Variants in ANKRD27 observed in about 807,000 individuals in gnomAD.
The protein encoded by ANKRD27 is ankyrin repeat domain 27.
Under a neutral mutation model 129.7 loss-of-function variants are expected in ANKRD27, and 112 were observed. The observed-to-expected ratio is 0.86, with a 90% CI of 0.74 to 1.01. The LOEUF is 1.01. Ranked by LOEUF, ANKRD27 falls within the 50% of genes least tolerant of loss-of-function variation. The pLI is 0.00. For missense variants in ANKRD27, 1,258 were observed against 1,300.5 expected, an observed-to-expected ratio of 0.97 and a Z score of 0.50; for synonymous variants, 516 against 511.2, an observed-to-expected ratio of 1.01 and a Z score of -0.13.
chr19:32,650,312 G>A (rs1298109435), intron 2 of ANKRD27, among the ~76,000 whole-genome samples: 1 of 152,192 alleles, frequency 6.6e-6, no homozygotes, highest in African/African-American at 2.4e-5. Context: ...AGCACTTTGA[G>A]AGGCCAAGGC....
chr19:32,606,506 T>C (rs1971738764), intron 23 of ANKRD27, among the ~76,000 whole-genome samples: 1 of 152,154 alleles, frequency 6.6e-6, no homozygotes, highest in Non-Finnish European at 1.5e-5. Context: ...AGGGACCAGG[T>C]GAAGAGGGGA....
intron 1 of ANKRD27, among the ~76,000 whole-genome samples, chr19:32,659,678 A>G (rs554154377): frequency 6.6e-6 from 1 of 152,272 alleles, no homozygotes; most frequent in South Asian, 2.1e-4. Flanking sequence ...AGTACTGAGT[A>G]ATAATGCAAA....
chr19:32,618,252 T>C (rs1039247982), intron 20 of ANKRD27, among the ~76,000 whole-genome samples: 2 of 151,828 alleles, frequency 1.3e-5, no homozygotes, highest in Admixed American at 6.6e-5. Context: ...GGTGAGGCCA[T>C]GGTCGCCTTG....
At chr19:32,612,866 T>C (rs1251698959) in intron 22 of ANKRD27, among the ~76,000 whole-genome samples, 1 of 152,074 alleles carries the variant, frequency 6.6e-6, no homozygotes, top group African/African-American at 2.4e-5. Context: ...CAGGAGAAAG[T>C]TGGAAATCTA....
intron 20 of ANKRD27, among the ~76,000 whole-genome samples, chr19:32,618,613 A>G (rs975159238): frequency 6.6e-6 from 1 of 152,154 alleles, no homozygotes; most frequent in African/African-American, 2.4e-5. Flanking sequence ...CATGGAGCTA[A>G]GCTCACTTGG....
chr19:32,639,515 T>C (rs745944216), intron 11 of ANKRD27, 27 bp from the exon 12 acceptor site: 20 of 1,606,626 alleles, frequency 1.2e-5, no homozygotes, highest in Admixed American at 1.7e-5. Flanking sequence ...AAAAGTTATG[T>C]TGTTGTCTAT....
At chr19:32,626,859 G>T (rs1280312594) in intron 15 of ANKRD27, 32 bp from the exon 16 acceptor site, 1 of 1,526,174 alleles carries the variant, frequency 6.6e-7, no homozygotes, top group Admixed American at 1.8e-5. Context: ...CGATGGAGAA[G>T]GAAGGCGCAG....
At chr19:32,674,884 G>T (rs1040389828) in intron 1 of ANKRD27, among the ~76,000 whole-genome samples, 187 bp downstream of exon 1, 1 of 151,922 alleles carries the variant, frequency 6.6e-6, no homozygotes, top group Admixed American at 6.6e-5. Context: ...GCTGCGCACC[G>T]GGCACCCACC....
rs999595118 is a variant in ANKRD27 at position 32,628,159 on chromosome 19, C to T, written c.1344G>A (p.Leu448=). 1 of 1,613,832 alleles carries T rather than the reference C, an allele frequency of 6.2e-7. No homozygotes were observed. The highest frequency in any genetic ancestry group is 1.3e-5 in the African/African-American group (1 of 74,950). Residue 448 remains leucine, a synonymous_variant, in exon 15 of 29, where the codon TTG becomes TTA. Coordinates refer to ENST00000306065, the MANE Select transcript of ANKRD27 (RefSeq NM_032139.3). ...DDCEKLVSGR[L]NDPSVVTPFS... is the part of the protein sequence containing the mutation. Reference sequence around the variant, plus strand: ...ATGGAGTGACAACTGAGGGATCATTCAACCTCCTAAAATACAGAAAGAGAT... The same window carrying T: ...ATGGAGTGACAACTGAGGGATCATTTAACCTCCTAAAATACAGAAAGAGAT...
intron 2 of ANKRD27, among the ~76,000 whole-genome samples, chr19:32,652,599 G>A (rs1408246419): frequency 1.3e-5 from 2 of 151,328 alleles, no homozygotes; most frequent in East Asian, 2.0e-4. Flanking sequence ...GGGGTTGGGG[G>A]AAAGAAAGTC....
At chr19:32,630,144 G>C (rs1253227902) in intron 13 of ANKRD27, among the ~76,000 whole-genome samples, 1 of 152,014 alleles carries the variant, frequency 6.6e-6, no homozygotes, top group Admixed American at 6.6e-5. Flanking sequence ...TTCTAATAGA[G>C]CATCAGCCTG....
rs532150024 is a variant in ANKRD27, at chr19:32,664,681, G to A, written c.-30-5636C>T. On this transcript the variant is annotated intron_variant, in intron 1 of 28. Coordinates refer to ENST00000306065, the MANE Select transcript of ANKRD27 (RefSeq NM_032139.3). ...TAATAAAAAGTTCTTCATGATGGCC[G>A]GGCACAGTGGCTCATGCCTGTAATC... Among the ~76,000 whole-genome samples the A allele has an allele frequency of 4.7e-5, 7 of 147,478 alleles. No individual in the cohort carries two copies. The East Asian group carries it at 5.9e-4, about 12-fold the overall frequency.
intron 10 of ANKRD27, 51 bp from the exon 11 acceptor site, chr19:32,640,436 G>A (rs1967177146): frequency 6.7e-7 from 1 of 1,488,668 alleles, no homozygotes. Context: ...CAAATGGACT[G>A]ACAAGCATAT....
chr19:32,667,825 T>C (rs1411290026), intron 1 of ANKRD27, among the ~76,000 whole-genome samples: 3 of 102,252 alleles, frequency 2.9e-5, no homozygotes, highest in African/African-American at 4.0e-5. Flanking sequence ...AGAGTGAAAC[T>C]CCGTCTCAAA....
Position 32,607,166 on chromosome 19 carries a change from AG to A in ANKRD27, c.2373+468del, listed in dbSNP as rs34054808. Among the ~76,000 whole-genome samples, 293 of 104,234 alleles carry A rather than the reference AG, an allele frequency of 2.8e-3. 8 individuals are homozygous for A. Among genetic ancestry groups the A allele is most frequent in the East Asian group, 0.013 (41 of 3,270 alleles). The allele number at this position is 104,234 out of a possible 152,430, so 68.4% of individuals were successfully genotyped here. On this transcript the variant is annotated intron_variant, in intron 23 of 28. Coordinates refer to ENST00000306065, the MANE Select transcript of ANKRD27 (RefSeq NM_032139.3). ...TCTTAAAAAAAAAAAAAAAAAAAAA[AG>A]GCAAAAAACCCCAGCACTTTCAAAA...
At chr19:32,644,273 T>C (rs775396291) in intron 5 of ANKRD27, 52 bp downstream of exon 5, 71 of 1,590,860 alleles carry the variant, frequency 4.5e-5, no homozygotes, top group Non-Finnish European at 5.8e-5. Flanking sequence ...CCCAGCACCC[T>C]GCACTGAACC....
At chr19:32,629,169 T>C (rs1966945426) in intron 13 of ANKRD27, among the ~76,000 whole-genome samples, 1 of 151,926 alleles carries the variant, frequency 6.6e-6, no homozygotes, top group African/African-American at 2.4e-5. Context: ...GATCCACCCA[T>C]CTCGGCCTCC....
intron 1 of ANKRD27, among the ~76,000 whole-genome samples, chr19:32,670,336 T>G (rs1967844005): frequency 6.6e-6 from 1 of 150,932 alleles, no homozygotes; most frequent in Admixed American, 6.6e-5. Flanking sequence ...TGCTGTCACA[T>G]GAAAAAAAAA....
At position 32,604,323 on chromosome 19, in the gene ANKRD27, G is replaced by A. The variant is rs752888977; in HGVS notation, c.2595C>T (p.His865=). ...HVFVVELLLL[H]GASVQVLNKR... ...TGTTCAGCACCTGAACTGACGCTCC[G>A]TGGAGCAGAAGCAGCTCTACCACGA... The change falls in exon 25 of 29, where the codon CAC becomes CAT. Residue 865 remains histidine (H), a synonymous_variant. Coordinates refer to ENST00000306065, the MANE Select transcript of ANKRD27 (RefSeq NM_032139.3). 5.0e-6 allele frequency: 8 copies of A among 1,614,052 alleles called. No individual in the cohort carries two copies. The highest frequency in any genetic ancestry group is 1.7e-5 in the Admixed American group (1 of 60,028).
Sources: gnomAD v4.1 joint callset for allele counts (sites outside exome capture counted in the v4.1 genomes callset) on GRCh38, gnomAD v4.1.1 for gene constraint, MANE v1.5 for transcripts, NCBI Gene and HGNC (gene_info 2026-07-23, HGNC 2026-07-21) for gene names.